PTPRT: variants seen among roughly 807,000 people sequenced by gnomAD.
PTPRT encodes the protein receptor-type tyrosine-protein phosphatase T.
A neutral mutation model predicts 176.8 loss-of-function variants in PTPRT; 56 were observed. The ratio of observed to expected loss-of-function variants is 0.32; its 90% CI spans 0.26 to 0.40. The LOEUF is 0.40. PTPRT is among the 10% of genes least tolerant of loss of function. The pLI is 1.00. For synonymous variants in PTPRT, 783 were observed against 739.0 expected (o/e 1.06, Z -0.96); for missense variants, 1,540 against 1,908.2 (o/e 0.81, Z 3.60).
chr20:42,045,768 A>G, the PTPRT span, among the ~76,000 whole-genome samples: 1 of 152,178 alleles, frequency 6.6e-6, no homozygotes, highest in African/African-American at 2.4e-5. Flanking sequence ...TCATACCTGA[A>G]CAACTGAGGC....
At chr20:42,856,194 G>A (rs953957018) in intron 2 of PTPRT, among the ~76,000 whole-genome samples, 1 of 152,130 alleles carries the variant, frequency 6.6e-6, no homozygotes, top group Non-Finnish European at 1.5e-5. Context: ...AGCCCCCAGA[G>A]GCTTTTTGCA....
rs1600477455 is a variant in PTPRT at position 42,616,197 on chromosome 20, C to G, written c.1153+61669G>C. On this transcript the variant is annotated intron_variant, in intron 7 of 30. Transcript: ENST00000373187. ...CAGCACCATTTATTAAATAGGGAAT[C>G]CTTTCCCCATTGCTTGTTTTTCTCA... Among the ~76,000 whole-genome samples, 3 of 124,096 alleles carry G rather than the reference C, an allele frequency of 2.4e-5. No homozygotes were observed. The East Asian group carries it at 6.0e-4, about 25-fold the overall frequency. 81.4% of individuals were successfully genotyped at this position (124,096 alleles called of 152,430 possible).
intron 2 of PTPRT, among the ~76,000 whole-genome samples, chr20:42,860,960 T>C (rs1369399179): frequency 1.3e-5 from 2 of 152,200 alleles, no homozygotes; most frequent in Non-Finnish European, 1.5e-5. Context: ...ATTAAGGAAA[T>C]AGCTTTCTAG....
chr20:42,537,964 A>G (rs113544523), intron 7 of PTPRT, among the ~76,000 whole-genome samples: 2,254 of 152,312 alleles, frequency 0.015, 56 homozygotes, highest in African/African-American at 0.052. Flanking sequence ...CTCTGAATCA[A>G]TAGTAATAAT....
intron 1 of PTPRT, among the ~76,000 whole-genome samples, chr20:43,162,357 C>A (rs1454198403): frequency 6.6e-6 from 1 of 152,176 alleles, no homozygotes; most frequent in Non-Finnish European, 1.5e-5. Context: ...GATCTTATAA[C>A]TATGCCCCTT....
At chr20:42,512,682 T>C (rs1271590823) in intron 7 of PTPRT, among the ~76,000 whole-genome samples, 10 of 152,156 alleles carry the variant, frequency 6.6e-5, no homozygotes, top group African/African-American at 1.7e-4. Context: ...GTTTAATTTA[T>C]TAAGAAATTA....
chr20:42,901,782 T>A (rs932780776), intron 1 of PTPRT, among the ~76,000 whole-genome samples: 2 of 152,326 alleles, frequency 1.3e-5, no homozygotes, highest in South Asian at 4.1e-4. Context: ...GAGAAACCAA[T>A]GTCTTTCTCC....
chr20:42,806,991 C>T lies in PTPRT; in HGVS notation c.215-15525G>A, dbSNP rs114518376. 5.2e-3 allele frequency among the ~76,000 whole-genome samples: 792 copies of T among 152,274 alleles called. 10 individuals are homozygous for T. Among genetic ancestry groups the T allele is most frequent in the African/African-American group, 0.018 (731 of 41,566 alleles). On this transcript the variant is annotated intron_variant, in intron 2 of 30. Coordinates refer to ENST00000373187, the MANE Select transcript of PTPRT (RefSeq NM_007050.6). ...ACCTATAGCACTGCACTTGTGAAAA[C>T]GACACCTTCCAAGATGCAATGCGCT...
chr20:42,790,696 C>T (rs1222224452), intron 3 of PTPRT, among the ~76,000 whole-genome samples: 1 of 152,152 alleles, frequency 6.6e-6, no homozygotes, highest in Non-Finnish European at 1.5e-5. Flanking sequence ...CCTTTCCCTC[C>T]CTCCCTTTTA....
At chr20:42,048,928 TCTC>T in the PTPRT span, among the ~76,000 whole-genome samples, 1 of 152,086 alleles carries the variant, frequency 6.6e-6, no homozygotes, top group East Asian at 1.9e-4. Context: ...TTCAAGCAAT[TCTC>T]CTGCCTCAGC....
chr20:42,453,471 T>A (rs2070867038), intron 8 of PTPRT, among the ~76,000 whole-genome samples: 1 of 152,088 alleles, frequency 6.6e-6, no homozygotes, highest in African/African-American at 2.4e-5. Context: ...TACATAATAA[T>A]GTATGAATAG....
intron 9 of PTPRT, among the ~76,000 whole-genome samples, chr20:42,443,732 C>A (rs943509549): frequency 6.6e-6 from 1 of 152,154 alleles, no homozygotes; most frequent in African/African-American, 2.4e-5. Context: ...TCTAAAGGTC[C>A]ATGGCTCCAG....
intron 9 of PTPRT, among the ~76,000 whole-genome samples, chr20:42,358,485 G>C (rs756330729): frequency 1.3e-5 from 2 of 152,176 alleles, no homozygotes; most frequent in Non-Finnish European, 1.5e-5. Context: ...TCTGAAGGAA[G>C]GGAAGATGGC....
chr20:42,171,664 A>T (rs1445108411), intron 16 of PTPRT, among the ~76,000 whole-genome samples: 1 of 152,150 alleles, frequency 6.6e-6, no homozygotes, highest in Non-Finnish European at 1.5e-5. Context: ...ACAGGATTCA[A>T]ATAGAGATAA....
At chr20:42,956,866 T>C (rs917996392) in intron 1 of PTPRT, among the ~76,000 whole-genome samples, 1 of 151,924 alleles carries the variant, frequency 6.6e-6, no homozygotes. Flanking sequence ...ATAAACTGAG[T>C]CCAAGATACC....
intron 16 of PTPRT, among the ~76,000 whole-genome samples, chr20:42,198,393 G>C (rs983511272): frequency 3.9e-5 from 6 of 152,116 alleles, no homozygotes; most frequent in African/African-American, 1.4e-4. Flanking sequence ...ACAAAATGGA[G>C]GTTCTTCCAT....
At chr20:42,389,864 A>AG (rs371074688) in intron 9 of PTPRT, among the ~76,000 whole-genome samples, 9,073 of 126,360 alleles carry the variant, frequency 0.072, 329 homozygotes, top group African/African-American at 0.12. Context: ...AAAAAAAAAA[A>AG]AAAAAGAAAG....
intron 7 of PTPRT, among the ~76,000 whole-genome samples, chr20:42,502,728 T>C (rs1006463246): frequency 3.9e-5 from 6 of 152,116 alleles, no homozygotes; most frequent in Non-Finnish European, 7.4e-5. Flanking sequence ...CCAGATTTTT[T>C]AGCTATTAGT....
chr20:42,467,967 C>T (rs551138791), intron 8 of PTPRT, among the ~76,000 whole-genome samples: 5 of 152,318 alleles, frequency 3.3e-5, no homozygotes, highest in African/African-American at 1.2e-4. Flanking sequence ...GCAAAACCAT[C>T]AACATGGTTT....
Sources: gnomAD v4.1 joint callset for allele counts (sites outside exome capture counted in the v4.1 genomes callset) on GRCh38, gnomAD v4.1.1 for gene constraint, MANE v1.5 for transcripts, NCBI Gene and HGNC (gene_info 2026-07-23, HGNC 2026-07-21) for gene names.